Variants in GABRR3 observed in about 807,000 individuals in gnomAD.
The protein encoded by GABRR3 is gamma-aminobutyric acid receptor subunit rho-3.
GABRR3 carries 29 observed loss-of-function variants against 43.2 expected under a neutral mutation model. The observed-to-expected ratio is 0.67, with a 90% confidence interval of 0.50 to 0.92. GABRR3 has a LOEUF of 0.92. Ranked by LOEUF, GABRR3 falls within the 40% of genes least tolerant of loss-of-function variation. The pLI, the probability that GABRR3 is intolerant of heterozygous loss-of-function variation, is 0.00. For synonymous variants in GABRR3, 206 were observed against 195.9 expected (o/e 1.05, Z -0.43); for missense variants, 576 against 572.3 (o/e 1.01, Z -0.07).
rs1706594595 is a variant in GABRR3 at position 97,998,808 on chromosome 3, A to G, written c.907+2807T>C. 2.0e-5 allele frequency: 3 copies of G among 152,194 alleles called. No individual in the cohort carries two copies. The South Asian group carries it at 6.2e-4, about 31-fold the overall frequency. 9.4% of individuals were successfully genotyped at this position (152,194 alleles called of 1,614,324 possible). On this transcript the variant is annotated intron_variant, in intron 8 of 9. Coordinates refer to ENST00000621172, the Ensembl canonical transcript of GABRR3. ...TCTTCCTACTAAATGTTTTTGTTTT[A>G]GAAAAAATAATTATGCTTCATACAA...
chr3:97,986,998 T>C lies in GABRR3; in HGVS notation c.1105-16A>G. 2.0e-6 allele frequency: 3 copies of C among 1,517,736 alleles called. No homozygotes were observed. The highest frequency in any genetic ancestry group is 2.6e-6 in the Non-Finnish European group (3 of 1,132,694). 94.0% of individuals were successfully genotyped at this position (1,517,736 alleles called of 1,614,324 possible). On this transcript the variant is annotated splice_polypyrimidine_tract_variant and intron_variant, in intron 9 of 9. Coordinates refer to ENST00000621172, the Ensembl canonical transcript of GABRR3. The stretch of plus-strand genomic sequence containing the variant: ...TCCTAGAAATCTGTCAAAAAACTTT[T>C]TTTTAAAGTAGGTCTTGAATATGGT...
At chr3:97,990,036 C>T (rs1461290233) in intron 9 of GABRR3, among the ~76,000 whole-genome samples, 1 of 152,188 alleles carries the variant, frequency 6.6e-6, no homozygotes, top group Non-Finnish European at 1.5e-5. Context: ...TATCCGGCCT[C>T]TCCCATTGCA....
chr3:98,003,133 A>G (rs1036473201), intron 7 of GABRR3, among the ~76,000 whole-genome samples: 1 of 152,164 alleles, frequency 6.6e-6, no homozygotes, highest in Non-Finnish European at 1.5e-5. Flanking sequence ...AATATAAATT[A>G]TTTTTAAGCT....
chr3:98,023,390 T>C (rs1576049455), intron 3 of GABRR3, among the ~76,000 whole-genome samples: 1 of 152,066 alleles, frequency 6.6e-6, no homozygotes, highest in Non-Finnish European at 1.5e-5. Flanking sequence ...GAGTGGCCAG[T>C]TTCAAGCCAT....
intron 9 of GABRR3, among the ~76,000 whole-genome samples, chr3:97,989,917 A>G (rs902137120): frequency 6.6e-6 from 1 of 152,166 alleles, no homozygotes; most frequent in Non-Finnish European, 1.5e-5. Flanking sequence ...ACATTGTTAT[A>G]TCCATATATC....
At chr3:98,029,617 T>C (rs1019288942) in intron 2 of GABRR3, among the ~76,000 whole-genome samples, 1 of 152,108 alleles carries the variant, frequency 6.6e-6, no homozygotes, top group African/African-American at 2.4e-5. Context: ...ACATATTTGA[T>C]GAGTTAACTA....
intron 5 of GABRR3, 51 bp downstream of exon 5, chr3:98,012,293 G>T: frequency 7.5e-7 from 1 of 1,338,458 alleles, no homozygotes; most frequent in Non-Finnish European, 1.1e-6. Context: ...CAGCTTTGGT[G>T]CAGATGGCTG....
At chr3:98,029,881 G>A (rs1331564839) in intron 2 of GABRR3, among the ~76,000 whole-genome samples, 1 of 151,732 alleles carries the variant, frequency 6.6e-6, no homozygotes, top group Non-Finnish European at 1.5e-5. Flanking sequence ...TTTGGGAGGC[G>A]AAGGCGGGCG....
At chr3:97,988,315 C>T (rs1160010492) in intron 9 of GABRR3, among the ~76,000 whole-genome samples, 8 of 152,132 alleles carry the variant, frequency 5.3e-5, no homozygotes, top group Admixed American at 3.3e-4. Flanking sequence ...TGAGCTTAGG[C>T]AATCCTTCTG....
chr3:97,986,802 C>T, exon 10 of GABRR3: 1 of 1,611,928 alleles, frequency 6.2e-7, no homozygotes, highest in Non-Finnish European at 8.5e-7. Context: ...ACATGTCCTC[C>T]TAGGGATTTT....
At chr3:98,024,130 G>A (rs976155288) in intron 3 of GABRR3, among the ~76,000 whole-genome samples, 2 of 152,144 alleles carry the variant, frequency 1.3e-5, no homozygotes, top group African/African-American at 2.4e-5. Context: ...GGCCGAGGTG[G>A]GTGGATCACC....
chr3:98,023,703 T>A (rs1706979411), intron 3 of GABRR3, among the ~76,000 whole-genome samples: 1 of 152,198 alleles, frequency 6.6e-6, no homozygotes, highest in Admixed American at 6.5e-5. Context: ...GACATATTTC[T>A]AAACCTGCTT....
At chr3:98,012,010 G>A (rs1706798588) in intron 5 of GABRR3, among the ~76,000 whole-genome samples, 1 of 139,740 alleles carries the variant, frequency 7.2e-6, no homozygotes, top group Non-Finnish European at 1.7e-5. Flanking sequence ...AAAACTGCTT[G>A]GTGGGGTGCC....
At chr3:97,991,419 C>T (rs188223454) in intron 9 of GABRR3, among the ~76,000 whole-genome samples, 5 of 152,218 alleles carry the variant, frequency 3.3e-5, no homozygotes, top group African/African-American at 9.6e-5. Flanking sequence ...GCACCACTGC[C>T]GCATACTGCT....
chr3:98,027,022 T>A (rs1707025999), intron 2 of GABRR3, among the ~76,000 whole-genome samples: 1 of 152,226 alleles, frequency 6.6e-6, no homozygotes, highest in South Asian at 2.1e-4. Context: ...CAATGAGTTT[T>A]ATTTTAAACA....
chr3:98,012,955 C>T (rs1245921800), intron 4 of GABRR3, among the ~76,000 whole-genome samples: 1 of 152,124 alleles, frequency 6.6e-6, no homozygotes, highest in Non-Finnish European at 1.5e-5. Context: ...TATTCTAAAT[C>T]ACTTTTAAAA....
intron 9 of GABRR3, 130 bp downstream of exon 9, chr3:97,992,722 T>A: frequency 1.3e-6 from 1 of 764,702 alleles, no homozygotes; most frequent in Non-Finnish European, 2.0e-6. Context: ...GTCACCATAC[T>A]GTCAACTTGC....
At chr3:97,997,393 A>T (rs1706575708) in intron 8 of GABRR3, 1 of 152,206 alleles carries the variant, frequency 6.6e-6, no homozygotes, top group African/African-American at 2.4e-5. Context: ...AGATCAAAAT[A>T]CTGAAAATAT....
At chr3:98,011,043 T>C (rs578007012) in intron 5 of GABRR3, among the ~76,000 whole-genome samples, 108 of 152,262 alleles carry the variant, frequency 7.1e-4, no homozygotes, top group Non-Finnish European at 1.3e-3. Context: ...GAGGCTGCAG[T>C]GAGCTGAGAT....
Sources: gnomAD v4.1 joint callset for allele counts (sites outside exome capture counted in the v4.1 genomes callset) on GRCh38, gnomAD v4.1.1 for gene constraint, MANE v1.5 for transcripts, NCBI Gene and HGNC (gene_info 2026-07-23, HGNC 2026-07-21) for gene names.